The following USP24 variants were observed in gnomAD, a reference collection of about 807,000 sequenced individuals.
USP24 encodes the protein ubiquitin carboxyl-terminal hydrolase 24.
A neutral mutation model predicts 361.6 loss-of-function variants in USP24; 97 were observed. The ratio of observed to expected loss-of-function variants is 0.27; its 90% CI spans 0.23 to 0.32. The LOEUF is 0.32. USP24 is among the 10% of genes least tolerant of loss of function. The probability of loss-of-function intolerance (pLI) is 1.00; values close to 1 mark genes in which losing one functional copy is unlikely to be tolerated. For missense variants in USP24, 2,353 were observed against 3,165.6 expected (o/e 0.74, Z 6.16); for synonymous variants, 1,098 against 1,124.6 (o/e 0.98, Z 0.47).
intron 52 of USP24, chr1:55,093,595 TG>T (rs143295300): frequency 0.025 from 4,944 of 201,744 alleles, 170 homozygotes; most frequent in African/African-American, 0.081. Context: ...AACCTTAACT[TG>T]TTTTTCTCTC....
intron 1 of USP24, among the ~76,000 whole-genome samples, chr1:55,210,363 T>C (rs370878267): frequency 6.6e-6 from 1 of 151,874 alleles, no homozygotes; most frequent in African/African-American, 2.4e-5. Flanking sequence ...ATTTTTTTAC[T>C]CTAAAGCCTT....
intron 5 of USP24, among the ~76,000 whole-genome samples, chr1:55,168,825 C>T (rs75902389): frequency 0.03 from 4,592 of 152,254 alleles, 94 homozygotes; most frequent in Non-Finnish European, 0.047. Context: ...AAAATGGTCA[C>T]AAACTGTAGT....
chr1:55,197,989 A>G (rs1221214363), intron 1 of USP24, among the ~76,000 whole-genome samples: 1 of 152,222 alleles, frequency 6.6e-6, no homozygotes, highest in Non-Finnish European at 1.5e-5. Flanking sequence ...AATGTATGAG[A>G]AAGTGTTGTT....
intron 1 of USP24, among the ~76,000 whole-genome samples, chr1:55,212,716 C>T (rs964160045): frequency 6.6e-6 from 1 of 152,186 alleles, no homozygotes; most frequent in African/African-American, 2.4e-5. Flanking sequence ...AGCCTGCCAA[C>T]CTCTGCCAAT....
chr1:55,211,723 G>T (rs1644851000), intron 1 of USP24, among the ~76,000 whole-genome samples: 1 of 152,222 alleles, frequency 6.6e-6, no homozygotes, highest in South Asian at 2.1e-4. Context: ...CCCTGCCCCT[G>T]GGACAGGAAG....
At chr1:55,203,802 A>T (rs60238067) in intron 1 of USP24, among the ~76,000 whole-genome samples, 1 of 152,180 alleles carries the variant, frequency 6.6e-6, no homozygotes, top group Non-Finnish European at 1.5e-5. Context: ...ATCATGAACC[A>T]ATTGTTTTAA....
chr1:55,213,119 C>G (rs527901472), intron 1 of USP24, among the ~76,000 whole-genome samples: 2 of 152,308 alleles, frequency 1.3e-5, no homozygotes, highest in South Asian at 4.1e-4. Context: ...GTTATACAAA[C>G]ACCTTCTGAA....
chr1:55,181,990 G>A (rs1643981852), intron 1 of USP24, among the ~76,000 whole-genome samples: 1 of 152,210 alleles, frequency 6.6e-6, no homozygotes, highest in Non-Finnish European at 1.5e-5. Context: ...GCCAGGTGAG[G>A]ACACAGCAAG....
chr1:55,102,446 C>T (rs1645658833), intron 42 of USP24, among the ~76,000 whole-genome samples: 1 of 152,170 alleles, frequency 6.6e-6, no homozygotes, highest in African/African-American at 2.4e-5. Context: ...TAATTTTACA[C>T]TTTGAAATGC....
At chr1:55,083,997 ACAAT>A in intron 56 of USP24, 109 bp from the exon 57 acceptor site, 1 of 843,766 alleles carries the variant, frequency 1.2e-6, no homozygotes. Context: ...AAAGTCTGAT[ACAAT>A]CCAGTCTCAG....
intron 64 of USP24, 122 bp from the exon 65 acceptor site, chr1:55,072,983 T>A: frequency 3.1e-6 from 3 of 955,504 alleles, no homozygotes; most frequent in Non-Finnish European, 3.1e-6. Context: ...TGATTCTACT[T>A]AAATGGGGTT....
rs1647074885 is a variant in USP24, at chr1:55,147,884, A to G, written c.1969-86T>C. On this transcript the variant is annotated intron_variant, in intron 17 of 67. Coordinates refer to ENST00000294383, the MANE Select transcript of USP24 (RefSeq NM_015306.3). Reference sequence around the variant, plus strand: ...AATACAAGCTGCTATTTAAAGATGTAGTCCTAGATGAGACAAAGCAAACAT... The same window carrying G: ...AATACAAGCTGCTATTTAAAGATGTGGTCCTAGATGAGACAAAGCAAACAT... 3.5e-6 allele frequency: 5 copies of G among 1,414,480 alleles called. No individual in the cohort carries two copies. In the Admixed American group the frequency reaches 1.0e-4, roughly 29 times the overall value. 87.6% of individuals were successfully genotyped at this position (1,414,480 alleles called of 1,614,324 possible). A position where few individuals can be genotyped will look rare whatever the true frequency, so the allele number is the denominator to read the frequency against.
At chr1:55,144,271 A>C in intron 20 of USP24, 68 bp from the exon 21 acceptor site, 1 of 1,060,654 alleles carries the variant, frequency 9.4e-7, no homozygotes, top group South Asian at 1.9e-5. Context: ...GAAAAGACTC[A>C]AAGTGGATCA....
At position 55,137,821 on chromosome 1, in the gene USP24, A is replaced by C. The variant is rs1646780929; in HGVS notation, c.3012T>G (p.Phe1004Leu). 1 of 1,588,046 alleles carries C rather than the reference A, an allele frequency of 6.3e-7. No homozygotes were observed. Among genetic ancestry groups the C allele is most frequent in the Non-Finnish European group, 8.6e-7 (1 of 1,165,726 alleles). The part of the protein sequence containing the change: ...LCSPVDNIQI[F>L]TNDSLLTVNK... Reference sequence around the variant, plus strand: ...TTAAACCTACCAGGCTATCATTTGTAAATATCTGTATATTATCCACAGGAG... The same window carrying C: ...TTAAACCTACCAGGCTATCATTTGTCAATATCTGTATATTATCCACAGGAG... Residue 1004 changes from phenylalanine to leucine, a missense_variant, in exon 27 of 68, where the codon TTT becomes TTG. Around this residue, in one of 8 missense-constraint regions of USP24, gnomAD observed 949 missense variants for 1,280.5 expected, o/e 0.74. Transcript: ENST00000294383.
At chr1:55,164,329 T>A (rs1291631760) in intron 7 of USP24, among the ~76,000 whole-genome samples, 2 of 151,994 alleles carry the variant, frequency 1.3e-5, no homozygotes, top group South Asian at 2.1e-4. Flanking sequence ...GGTATGTGTG[T>A]GGGGATCAGG....
At chr1:55,090,583 G>A (rs1259932052) in intron 54 of USP24, among the ~76,000 whole-genome samples, 4 of 152,204 alleles carry the variant, frequency 2.6e-5, no homozygotes, top group Non-Finnish European at 1.5e-5. Context: ...ACTTGGAGAA[G>A]CTCACTTTGC....
At chr1:55,147,836 A>G (rs1180621745) in intron 17 of USP24, 38 bp from the exon 18 acceptor site, 1 of 1,598,816 alleles carries the variant, frequency 6.3e-7, no homozygotes, top group Non-Finnish European at 8.5e-7. Context: ...GGTAATGAGA[A>G]TTTGCAGTTA....
chr1:55,078,627 T>C lies in USP24; in HGVS notation c.7225A>G (p.Thr2409Ala). 1 of 1,609,472 alleles carries C rather than the reference T, an allele frequency of 6.2e-7. No individual in the cohort carries two copies. The highest frequency in any genetic ancestry group is 8.5e-7 in the Non-Finnish European group (1 of 1,178,810). The change falls in exon 61 of 68, where the codon ACA (threonine) becomes GCA (alanine). Residue 2409 changes from threonine to alanine, a missense_variant. This residue lies in a region of USP24 where 598 missense variants were observed against 761.9 expected (regional missense o/e 0.78). Transcript: ENST00000294383. The stretch of plus-strand genomic sequence containing the variant: ...TCAATGAGTGCCAAGAGCGAGCCTG[T>C]CAGCTCCCGCAAAGCAAACATTACC... ...LEVMFALRELTGSLLALIEMV... is the reference protein window; with the variant it reads ...LEVMFALRELAGSLLALIEMV...
rs141430684 is a variant in USP24, at chr1:55,072,813, G to A, written c.7575C>T (p.Ser2525=). The part of the protein sequence containing the change: ...EYFKENSHHW[S]WAVQWLQKKM... ...TCTTCTGTAGCCACTGCACAGCCCA[G>A]CTCCAGTGGTGGGAATTCTCCTTGA... The change falls in exon 65 of 68, where the codon AGC becomes AGT. Residue 2525 remains serine, a synonymous_variant. Transcript: ENST00000294383. 612 of 1,607,308 alleles carry A rather than the reference G, an allele frequency of 3.8e-4. 2 individuals are homozygous for A. In the African/African-American group the frequency reaches 7.0e-3, roughly 18 times the overall value.
Sources: gnomAD v4.1 joint callset for allele counts (sites outside exome capture counted in the v4.1 genomes callset) on GRCh38, gnomAD v4.1.1 for gene constraint, gnomAD v4.1.1 regional missense constraint, MANE v1.5 for transcripts, NCBI Gene and HGNC (gene_info 2026-07-23, HGNC 2026-07-21) for gene names.